Variants in ROBO1 observed in about 807,000 individuals in gnomAD.
ROBO1 encodes the protein roundabout homolog 1.
A neutral mutation model predicts 195.9 loss-of-function variants in ROBO1; 149 were observed. The observed-to-expected ratio is 0.76, with a 90% CI of 0.67 to 0.87. ROBO1 has a LOEUF of 0.87. Among genes scored for constraint, ROBO1 ranks in the 40% least tolerant of loss-of-function variants. ROBO1 has a pLI of 0.00. For missense variants in ROBO1, 1,933 were observed against 2,068.3 expected, an observed-to-expected ratio of 0.93 and a Z score of 1.27; for synonymous variants, 816 against 733.2, an observed-to-expected ratio of 1.11 and a Z score of -1.82.
chr3:78,910,313 G>C (rs1348794576), intron 4 of ROBO1, among the ~76,000 whole-genome samples: 2 of 151,830 alleles, frequency 1.3e-5, no homozygotes, highest in Non-Finnish European at 2.9e-5. Flanking sequence ...CAAACGTCCA[G>C]AAAGTTTTGT....
intron 1 of ROBO1, among the ~76,000 whole-genome samples, chr3:79,713,397 T>G (rs927255982): frequency 3.3e-5 from 5 of 152,078 alleles, no homozygotes; most frequent in Non-Finnish European, 7.4e-5. Flanking sequence ...TAGGATGCCA[T>G]TGAGAACATT....
chr3:79,277,441 A>G (rs1477378301), intron 2 of ROBO1, among the ~76,000 whole-genome samples: 2 of 152,054 alleles, frequency 1.3e-5, no homozygotes, highest in Admixed American at 1.3e-4. Flanking sequence ...TCATGGAACT[A>G]GAGAATAGGA....
intron 1 of ROBO1, among the ~76,000 whole-genome samples, chr3:79,761,873 C>T (rs896597374): frequency 1.3e-5 from 2 of 152,102 alleles, no homozygotes; most frequent in Non-Finnish European, 2.9e-5. Flanking sequence ...TGATAAACTC[C>T]CTGTTCCTAG....
chr3:79,358,446 TA>T (rs1304826630), intron 2 of ROBO1, among the ~76,000 whole-genome samples: 1 of 152,040 alleles, frequency 6.6e-6, no homozygotes, highest in Non-Finnish European at 1.5e-5. Flanking sequence ...TGAGAAGCTA[TA>T]AATGGTTTTC....
rs182238170 is a variant in ROBO1 at position 79,375,171 on chromosome 3, G to A, written c.88+214653C>T. Among the ~76,000 whole-genome samples the A allele has an allele frequency of 2.4e-3, 370 of 152,276 alleles. 2 individuals carry two copies. The highest frequency in any genetic ancestry group is 7.6e-3 in the African/African-American group (315 of 41,562). The stretch of plus-strand genomic sequence containing the variant: ...GAATCTAGAGAGATATGGGAAAGAT[G>A]CCTCTTATTTGGAGATTCATAAGAA... On this transcript the variant is annotated intron_variant, in intron 2 of 30. Transcript: ENST00000464233.
chr3:78,787,926 CTTTTTTTTTTTT>C (rs71127358), intron 4 of ROBO1, among the ~76,000 whole-genome samples: 80 of 71,720 alleles, frequency 1.1e-3, no homozygotes, highest in South Asian at 2.2e-3. Flanking sequence ...GACCCCTTCT[CTTTTTTTTTTTT>C]TTTTTTTTTT....
At chr3:78,872,324 C>T (rs555990215) in intron 4 of ROBO1, among the ~76,000 whole-genome samples, 11 of 152,152 alleles carry the variant, frequency 7.2e-5, no homozygotes, top group Non-Finnish European at 1.2e-4. Context: ...TGCCTGCGTG[C>T]TTTGATAGGG....
chr3:78,878,583 C>CAA (rs35108863), intron 4 of ROBO1, among the ~76,000 whole-genome samples: 1,904 of 45,066 alleles, frequency 0.042, 84 homozygotes, highest in African/African-American at 0.079. Context: ...AACCCCATCT[C>CAA]AAAAAAAAAA....
chr3:79,601,274 C>A (rs951623554), intron 1 of ROBO1, among the ~76,000 whole-genome samples: 1 of 151,806 alleles, frequency 6.6e-6, no homozygotes, highest in Non-Finnish European at 1.5e-5. Flanking sequence ...TGGTTTCATT[C>A]GGATGGGATT....
At chr3:79,225,426 C>T (rs971108602) in intron 2 of ROBO1, among the ~76,000 whole-genome samples, 2 of 152,142 alleles carry the variant, frequency 1.3e-5, no homozygotes, top group Non-Finnish European at 2.9e-5. Context: ...TAAACCAGTC[C>T]TATAATTCTC....
chr3:78,797,783 T>C (rs2108557438), intron 4 of ROBO1, among the ~76,000 whole-genome samples: 1 of 152,262 alleles, frequency 6.6e-6, no homozygotes, highest in African/African-American at 2.4e-5. Flanking sequence ...ATTATAACCA[T>C]AGCTTAGAAA....
chr3:78,644,110 G>C (rs968296813), intron 21 of ROBO1, among the ~76,000 whole-genome samples: 1 of 151,958 alleles, frequency 6.6e-6, no homozygotes, highest in East Asian at 1.9e-4. Context: ...GATCTCACTA[G>C]ATCACGAAAC....
intron 1 of ROBO1, among the ~76,000 whole-genome samples, chr3:79,644,745 T>G (rs1164825868): frequency 6.6e-6 from 1 of 152,132 alleles, no homozygotes; most frequent in East Asian, 1.9e-4. Flanking sequence ...TTTCACTAAC[T>G]GGTGCAGAAT....
chr3:79,561,790 A>C (rs901722398), intron 2 of ROBO1, among the ~76,000 whole-genome samples: 8 of 152,240 alleles, frequency 5.3e-5, no homozygotes, highest in African/African-American at 1.9e-4. Context: ...TATGTTTAAT[A>C]ATGGCAAGAT....
At chr3:79,639,457 A>G (rs564828245) in intron 1 of ROBO1, among the ~76,000 whole-genome samples, 2 of 152,180 alleles carry the variant, frequency 1.3e-5, no homozygotes, top group African/African-American at 2.4e-5. Flanking sequence ...GGCCTAAATC[A>G]GTAAAATTTT....
chr3:78,741,887 A>G (rs565755613), intron 5 of ROBO1, among the ~76,000 whole-genome samples: 2 of 152,308 alleles, frequency 1.3e-5, no homozygotes, highest in South Asian at 2.1e-4. Context: ...AAATGATTCT[A>G]AGAAATATGT....
At chr3:79,730,941 C>A (rs1703123951) in intron 1 of ROBO1, among the ~76,000 whole-genome samples, 1 of 151,972 alleles carries the variant, frequency 6.6e-6, no homozygotes, top group Non-Finnish European at 1.5e-5. Context: ...CCACGCCCAG[C>A]TAATTTTTTG....
Position 78,635,941 on chromosome 3 carries a change from G to A in ROBO1, c.3205C>T (p.Gln1069Ter). 6.2e-7 allele frequency: 1 copy of A among 1,613,910 alleles called. No individual in the cohort carries two copies. Among genetic ancestry groups the A allele is most frequent in the Non-Finnish European group, 8.5e-7 (1 of 1,179,846 alleles). ...TGAGTGGTGGCGTAAGGAGTAGGCT[G>A]CCCTGATGGATTGACAAAACGCCCA... ...KDGRFVNPSG[Q>*]PTPYATTQLI... Residue 1069 changes from glutamine (Q) to a stop codon, truncating the protein, a stop_gained, in exon 23 of 31, where the codon CAG (glutamine) becomes TAG (stop). Coordinates refer to ENST00000464233, the MANE Select transcript of ROBO1 (RefSeq NM_002941.4). LOFTEE classifies it high-confidence loss of function.
At chr3:79,751,442 A>G (rs537004375) in intron 1 of ROBO1, among the ~76,000 whole-genome samples, 1 of 152,272 alleles carries the variant, frequency 6.6e-6, no homozygotes, top group East Asian at 1.9e-4. Context: ...AATTCAATAT[A>G]TCCTCATCAA....
Sources: gnomAD v4.1 joint callset for allele counts (sites outside exome capture counted in the v4.1 genomes callset) on GRCh38, gnomAD v4.1.1 for gene constraint, MANE v1.5 for transcripts, NCBI Gene and HGNC (gene_info 2026-07-23, HGNC 2026-07-21) for gene names.